NLRP4: variants seen among roughly 807,000 people sequenced by gnomAD.
NLRP4 encodes NLR family pyrin domain containing 4, also known as NACHT, LRR and PYD domains-containing protein 4.
NLRP4 carries 44 observed loss-of-function variants against 84.7 expected under a neutral mutation model. The observed-to-expected ratio is 0.52, with a 90% CI of 0.41 to 0.67. The LOEUF is 0.67. NLRP4 is among the 30% of genes least tolerant of loss of function. NLRP4 has a pLI of 0.00. For missense variants in NLRP4, 1,260 were observed against 1,219.4 expected, an observed-to-expected ratio of 1.03 and a Z score of -0.50; for synonymous variants, 544 against 476.4, an observed-to-expected ratio of 1.14 and a Z score of -1.85.
In NLRP4 at chr19:55,836,566, A is replaced by G. The variant is rs1983306950; in HGVS notation, c.-434A>G. The G allele has an allele frequency of 1.3e-5, 2 of 152,448 alleles. No homozygotes were observed. Among genetic ancestry groups the G allele is most frequent in the South Asian group, 2.1e-4 (1 of 4,816 alleles). 9.4% of individuals were successfully genotyped at this position (152,448 alleles called of 1,614,324 possible). Reference sequence around the variant, plus strand: ...AGGACCAGGAAGGCGTGGAGCGGTGAGTCAGCGCTTCGTGCTGGGCTGTTC... The same window carrying G: ...AGGACCAGGAAGGCGTGGAGCGGTGGGTCAGCGCTTCGTGCTGGGCTGTTC... On this transcript the variant is annotated 5_prime_UTR_variant, in exon 1 of 10. Transcript: ENST00000301295.
In NLRP4 at chr19:55,836,554, C is replaced by A. The variant is rs1027256052; in HGVS notation, c.-446C>A. On this transcript the variant is annotated 5_prime_UTR_variant, in exon 1 of 10. Transcript: ENST00000301295. ...CGCCAATCATTAAGGACCAGGAAGG[C>A]GTGGAGCGGTGAGTCAGCGCTTCGT... The A allele has an allele frequency of 6.6e-6, 1 of 152,336 alleles. No homozygotes were observed. Among genetic ancestry groups the A allele is most frequent in the African/African-American group, 2.4e-5 (1 of 41,446 alleles). The allele number at this position is 152,336 out of a possible 1,614,324, so 9.4% of individuals were successfully genotyped here.
Position 55,852,168 on chromosome 19 carries a change from C to G in NLRP4, c.88C>G (p.Leu30Val). ...KEEFRKFKEH[L>V]KQMTLQLELK... ...GGAGTTCAGGAAATTTAAAGAACATCTCAAGCAAATGACTTTGCAGCTTGA... is the reference window on the plus strand; with the variant it reads ...GGAGTTCAGGAAATTTAAAGAACATGTCAAGCAAATGACTTTGCAGCTTGA... Residue 30 changes from leucine to valine, a missense_variant, in exon 2 of 10, where the codon CTC becomes GTC. Physicochemically the swap from Leu to Val is conservative, Grantham distance 32. Coordinates refer to ENST00000301295, the MANE Select transcript of NLRP4 (RefSeq NM_134444.5). 6.2e-7 allele frequency: 1 copy of G among 1,608,924 alleles called. No individual in the cohort carries two copies. Among genetic ancestry groups the G allele is most frequent in the Non-Finnish European group, 8.5e-7 (1 of 1,178,124 alleles).
chr19:55,847,353 A>G (rs1209853665), intron 1 of NLRP4, among the ~76,000 whole-genome samples: 1 of 152,198 alleles, frequency 6.6e-6, no homozygotes, highest in Non-Finnish European at 1.5e-5. Flanking sequence ...TCAGAGCATA[A>G]TTGATTATCA....
intron 1 of NLRP4, among the ~76,000 whole-genome samples, chr19:55,837,607 A>AACACACACCACAC: frequency 6.6e-6 from 1 of 151,470 alleles, no homozygotes; most frequent in South Asian, 2.1e-4. Flanking sequence ...CAACCCTAAA[A>AACACACACCACAC]ACACACACAC....
At chr19:55,861,663 G>A (rs971618800) in intron 4 of NLRP4, 116 bp downstream of exon 4, 5 of 956,056 alleles carry the variant, frequency 5.2e-6, no homozygotes, top group African/African-American at 4.9e-5. Flanking sequence ...CAGAGCAGTT[G>A]CTCAACCTCA....
intron 5 of NLRP4, among the ~76,000 whole-genome samples, chr19:55,864,781 A>T (rs886863969): frequency 1.3e-5 from 2 of 152,102 alleles, no homozygotes. Flanking sequence ...TACCCATCCT[A>T]GTAGATGTGA....
chr19:55,838,258 C>T (rs891106561), intron 1 of NLRP4, among the ~76,000 whole-genome samples: 24 of 151,734 alleles, frequency 1.6e-4, no homozygotes, highest in Non-Finnish European at 2.6e-4. Flanking sequence ...GCCAAGATTG[C>T]GCCATTGCAT....
At chr19:55,863,152 G>T (rs943116522) in intron 5 of NLRP4, among the ~76,000 whole-genome samples, 39 of 152,154 alleles carry the variant, frequency 2.6e-4, no homozygotes, top group Admixed American at 2.6e-3. Flanking sequence ...ACTCTCGGTC[G>T]TATGCAAAAA....
chr19:55,838,818 A>G (rs972370861), intron 1 of NLRP4, among the ~76,000 whole-genome samples: 13 of 152,204 alleles, frequency 8.5e-5, no homozygotes, highest in African/African-American at 2.9e-4. Context: ...AGCTCTTTTG[A>G]TAACCACACT....
chr19:55,849,978 C>T lies in NLRP4; in HGVS notation c.-65-2038C>T, dbSNP rs113992276. Among the ~76,000 whole-genome samples, 1,059 of 110,218 alleles carry T rather than the reference C, an allele frequency of 9.6e-3. 92 individuals carry two copies. Among genetic ancestry groups the T allele is most frequent in the Admixed American group, 0.07 (886 of 12,642 alleles). 72.3% of individuals were successfully genotyped at this position (110,218 alleles called of 152,430 possible). A position where few individuals can be genotyped will look rare whatever the true frequency, so the allele number is the denominator to read the frequency against. On this transcript the variant is annotated intron_variant, in intron 1 of 9. Transcript: ENST00000301295. The stretch of plus-strand genomic sequence containing the variant: ...GACTGCGGTGTAATTTCCGTAGCTG[C>T]GGTGTAATTTCCGAGACTGCGGTGT...
chr19:55,872,437 C>T (rs1255127464), intron 7 of NLRP4, among the ~76,000 whole-genome samples: 2 of 152,140 alleles, frequency 1.3e-5, no homozygotes, highest in Non-Finnish European at 2.9e-5. Context: ...AAAATACAAA[C>T]AGCTACCAAA....
intron 4 of NLRP4, 148 bp downstream of exon 4, chr19:55,861,695 A>C: frequency 1.4e-6 from 1 of 733,324 alleles, no homozygotes; most frequent in Admixed American, 2.5e-5. Context: ...CATCTCATGC[A>C]GATCATTCTT....
chr19:55,855,530 C>G (rs1301822578), intron 2 of NLRP4, among the ~76,000 whole-genome samples: 1 of 152,198 alleles, frequency 6.6e-6, no homozygotes, highest in East Asian at 1.9e-4. Flanking sequence ...CTTCAGGGGA[C>G]TGAAAGATTG....
At chr19:55,850,671 G>GAGGC (rs1984064651) in intron 1 of NLRP4, among the ~76,000 whole-genome samples, 1 of 132,446 alleles carries the variant, frequency 7.6e-6, no homozygotes, top group South Asian at 2.4e-4. Flanking sequence ...TGTAATGTCC[G>GAGGC]TGGCTGCGGT....
chr19:55,857,325 ATGTGTG>A lies in NLRP4; in HGVS notation c.281-321_281-316del, dbSNP rs35115500. 1,120 of 272,444 alleles carry A rather than the reference ATGTGTG, an allele frequency of 4.1e-3. 7 individuals carry two copies. Among genetic ancestry groups the A allele is most frequent in the South Asian group, 0.016 (101 of 6,440 alleles). 16.9% of individuals were successfully genotyped at this position (272,444 alleles called of 1,614,324 possible). ...GTCAAACTTTACGTAGTAGCAATGA[ATGTGTG>A]TGTGTGTGTGTGTGTGTGTGTGTGT... On this transcript the variant is annotated intron_variant, in intron 2 of 9. Transcript: ENST00000301295.
In NLRP4 at chr19:55,858,254, C is replaced by A; in HGVS notation, c.861C>A (p.Leu287=). ...IAIKPVCPKE[L]RDQVTISEIY... ...TCAAACCCGTGTGCCCGAAGGAGCT[C>A]CGGGATCAGGTGACGATCTCAGAAA... Residue 287 remains leucine, a synonymous_variant, in exon 3 of 10, where the codon CTC becomes CTA. Transcript: ENST00000301295. This position sits in a 1 kb window ranked among gnomAD's most constrained non-coding sequence, Gnocchi z 4.2. The A allele has an allele frequency of 1.2e-6, 2 of 1,614,120 alleles. No homozygotes were observed. Among genetic ancestry groups the A allele is most frequent in the Non-Finnish European group, 1.7e-6 (2 of 1,180,022 alleles).
intron 1 of NLRP4, among the ~76,000 whole-genome samples, chr19:55,843,488 C>T (rs909025759): frequency 1.3e-5 from 2 of 151,632 alleles, no homozygotes; most frequent in Non-Finnish European, 2.9e-5. Flanking sequence ...GTCAGGAGTT[C>T]GAGACCAGCC....
intron 1 of NLRP4, among the ~76,000 whole-genome samples, chr19:55,844,753 C>T (rs114009946): frequency 0.038 from 5,726 of 152,224 alleles, 144 homozygotes; most frequent in South Asian, 0.084. Flanking sequence ...ATTGTATCTA[C>T]GAGTATGCTA....
intron 1 of NLRP4, among the ~76,000 whole-genome samples, chr19:55,848,925 C>A (rs963044018): frequency 6.6e-5 from 10 of 152,134 alleles, no homozygotes; most frequent in African/African-American, 2.4e-4. Flanking sequence ...GGGGAAACCC[C>A]TGTCGTTTGG....
Sources: allele counts gnomAD v4.1 joint callset (sites outside exome capture counted in the v4.1 genomes callset), GRCh38; gene constraint gnomAD v4.1.1; non-coding constraint Gnocchi (gnomAD v3.1); transcripts MANE v1.5; gene names NCBI Gene and HGNC (gene_info 2026-07-23, HGNC 2026-07-21).